Variants in IGF2BP3 observed in about 807,000 individuals in gnomAD.
IGF2BP3 encodes insulin like growth factor 2 mRNA binding protein 3, also known as insulin-like growth factor 2 mRNA-binding protein 3.
IGF2BP3 carries 9 observed loss-of-function variants against 73.8 expected under a neutral mutation model. That is an observed-to-expected ratio of 0.12 (90% confidence interval 0.07 to 0.21). The LOEUF (loss-of-function observed/expected upper bound fraction) is 0.21, where lower values mean the gene tolerates loss of function less well. Among genes scored for constraint, IGF2BP3 ranks in the 10% least tolerant of loss-of-function variants. IGF2BP3 has a pLI of 1.00. For missense variants in IGF2BP3, 542 were observed against 714.0 expected (o/e 0.76, Z 2.75); for synonymous variants, 258 against 256.7 (o/e 1.01, Z -0.05).
intron 3 of IGF2BP3, among the ~76,000 whole-genome samples, chr7:23,386,974 G>A (rs1426375320): frequency 7.0e-6 from 1 of 142,756 alleles, no homozygotes; most frequent in Admixed American, 6.8e-5. Context: ...GGCTGAGGCA[G>A]GAGAATTGCT....
At chr7:23,349,215 C>A (rs771008545) in intron 6 of IGF2BP3, among the ~76,000 whole-genome samples, 2 of 152,122 alleles carry the variant, frequency 1.3e-5, no homozygotes, top group Admixed American at 1.3e-4. Context: ...GTTCCTTTGG[C>A]CATTCAAACA....
intron 3 of IGF2BP3, among the ~76,000 whole-genome samples, chr7:23,369,417 C>T (rs1305069178): frequency 6.6e-6 from 1 of 152,148 alleles, no homozygotes; most frequent in Non-Finnish European, 1.5e-5. Context: ...TAAAATATGT[C>T]CCAGCCCCCA....
intron 6 of IGF2BP3, among the ~76,000 whole-genome samples, chr7:23,350,463 G>A (rs1291782300): frequency 6.6e-6 from 1 of 152,206 alleles, no homozygotes; most frequent in East Asian, 1.9e-4. Context: ...ACGTTACGGA[G>A]CTAGGTATGG....
chr7:23,347,122 G>A (rs1471878001), intron 7 of IGF2BP3, among the ~76,000 whole-genome samples: 1 of 152,150 alleles, frequency 6.6e-6, no homozygotes, highest in East Asian at 1.9e-4. Flanking sequence ...TTCACTCAAA[G>A]TTCCTGTGGA....
chr7:23,457,293 G>A (rs1314186536), intron 2 of IGF2BP3, among the ~76,000 whole-genome samples: 2 of 151,830 alleles, frequency 1.3e-5, no homozygotes, highest in Middle Eastern at 3.4e-3. Context: ...GCAAAACTCC[G>A]TCTCTACCAA....
chr7:23,405,368 C>T (rs1786794024), intron 3 of IGF2BP3, among the ~76,000 whole-genome samples: 1 of 152,202 alleles, frequency 6.6e-6, no homozygotes, highest in African/African-American at 2.4e-5. Flanking sequence ...AGATAACAGA[C>T]AGACTAGGAA....
chr7:23,316,026 GTTTGTATTTA>G (rs1361506811), intron 12 of IGF2BP3, among the ~76,000 whole-genome samples: 1 of 152,204 alleles, frequency 6.6e-6, no homozygotes, highest in East Asian at 1.9e-4. Flanking sequence ...GGAAAGACAT[GTTTGTATTTA>G]TCTTTTAAGA....
At chr7:23,423,937 G>A (rs1014612652) in intron 2 of IGF2BP3, among the ~76,000 whole-genome samples, 5 of 151,884 alleles carry the variant, frequency 3.3e-5, no homozygotes, top group African/African-American at 7.3e-5. Context: ...GATCAACATG[G>A]TGAAACCTCG....
chr7:23,468,612 C>A lies in IGF2BP3; in HGVS notation c.176-70G>T, dbSNP rs555246669. The A allele has an allele frequency of 4.9e-5, 75 of 1,518,828 alleles. No individual in the cohort carries two copies. The East Asian group carries it at 1.6e-3, about 32-fold the overall frequency. The allele number at this position is 1,518,828 out of a possible 1,614,324, so 94.1% of individuals were successfully genotyped here. A position where few individuals can be genotyped will look rare whatever the true frequency, so the allele number is the denominator to read the frequency against. On this transcript the variant is annotated intron_variant, in intron 1 of 14. Coordinates refer to ENST00000258729, the MANE Select transcript of IGF2BP3 (RefSeq NM_006547.3). ...TCTCCCTGCCCGAAGACCCGCACAG[C>A]CCAAGCGGCGACACAAATGGCCTCC...
At chr7:23,435,210 T>A (rs1787778952) in intron 2 of IGF2BP3, among the ~76,000 whole-genome samples, 1 of 142,104 alleles carries the variant, frequency 7.0e-6, no homozygotes, top group Non-Finnish European at 1.5e-5. Flanking sequence ...GGAGAATCGC[T>A]TGAACCCGGG....
chr7:23,335,137 T>G (rs141433893), intron 10 of IGF2BP3, among the ~76,000 whole-genome samples: 1 of 146,922 alleles, frequency 6.8e-6, no homozygotes, highest in East Asian at 2.0e-4. Flanking sequence ...AACCAAGGCT[T>G]CTCAGAGATA....
In IGF2BP3 at chr7:23,351,599, A is replaced by G; in HGVS notation, c.402-13T>C. 2 of 1,613,872 alleles carry G rather than the reference A, an allele frequency of 1.2e-6. No homozygotes were observed. The highest frequency in any genetic ancestry group is 1.7e-6 in the Non-Finnish European group (2 of 1,179,926). Reference sequence around the variant, plus strand: ...TTTGTCTAGTGCTCTGAAAGTTGAAAAGGGGCAGGGGTGGGAAAAGGAATC... The same window carrying G: ...TTTGTCTAGTGCTCTGAAAGTTGAAGAGGGGCAGGGGTGGGAAAAGGAATC... On this transcript the variant is annotated splice_polypyrimidine_tract_variant and intron_variant, in intron 5 of 14. Coordinates refer to ENST00000258729, the MANE Select transcript of IGF2BP3 (RefSeq NM_006547.3).
intron 2 of IGF2BP3, among the ~76,000 whole-genome samples, chr7:23,447,273 C>T (rs1301248389): frequency 1.3e-5 from 2 of 151,810 alleles, no homozygotes; most frequent in African/African-American, 4.8e-5. Flanking sequence ...AGGGGCATTC[C>T]ACAAAATAAA....
intron 2 of IGF2BP3, among the ~76,000 whole-genome samples, chr7:23,434,829 TA>T (rs563784197): frequency 3.3e-5 from 5 of 151,596 alleles, no homozygotes; most frequent in Admixed American, 2.6e-4. Flanking sequence ...ACAAACAAGT[TA>T]AAAAAAAACT....
Position 23,361,752 on chromosome 7 carries a change from G to A in IGF2BP3, c.286-11C>T, listed in dbSNP as rs755570438. 14 of 1,597,024 alleles carry A rather than the reference G, an allele frequency of 8.8e-6. No individual in the cohort carries two copies. Among genetic ancestry groups the A allele is most frequent in the Middle Eastern group, 3.4e-4 (2 of 5,932 alleles). On this transcript the variant is annotated splice_polypyrimidine_tract_variant and intron_variant, in intron 3 of 14. Transcript: ENST00000258729. ...TAAACTATCCAGCACCTATCAGGAG[G>A]GGGAGAGAAAATTATAAATTTTGAG... is the stretch of plus-strand genomic sequence containing the variant.
At chr7:23,465,387 A>C (rs1463560234) in intron 2 of IGF2BP3, among the ~76,000 whole-genome samples, 2 of 152,234 alleles carry the variant, frequency 1.3e-5, no homozygotes, top group Admixed American at 6.5e-5. Context: ...CTGTAAAGTA[A>C]CTGCTATAAT....
At chr7:23,441,505 C>T (rs71552230) in intron 2 of IGF2BP3, among the ~76,000 whole-genome samples, 1,920 of 139,690 alleles carry the variant, frequency 0.014, 14 homozygotes, top group Non-Finnish European at 0.021. Flanking sequence ...CCCGGGAGGC[C>T]GAGGTTGCAG....
At chr7:23,342,016 A>C in intron 10 of IGF2BP3, 48 bp downstream of exon 10, 1 of 1,500,412 alleles carries the variant, frequency 6.7e-7, no homozygotes, top group Non-Finnish European at 8.9e-7. Flanking sequence ...CTAGGTTTAC[A>C]TTAAGATTTT....
At chr7:23,441,047 A>G (rs909953072) in intron 2 of IGF2BP3, among the ~76,000 whole-genome samples, 4 of 152,164 alleles carry the variant, frequency 2.6e-5, no homozygotes, top group African/African-American at 9.7e-5. Context: ...AGAATCCTAC[A>G]AGCAGAAAAG....
Sources: allele counts gnomAD v4.1 joint callset (sites outside exome capture counted in the v4.1 genomes callset), GRCh38; gene constraint gnomAD v4.1.1; transcripts MANE v1.5; gene names NCBI Gene and HGNC (gene_info 2026-07-23, HGNC 2026-07-21).